Variants in IL1RAP observed in about 807,000 individuals in gnomAD.
IL1RAP encodes the protein interleukin 1 receptor accessory protein, also known as interleukin-1 receptor accessory protein.
IL1RAP carries 35 observed loss-of-function variants against 60.7 expected under a neutral mutation model. That is an observed-to-expected ratio of 0.58 (90% confidence interval 0.44 to 0.76). The LOEUF (loss-of-function observed/expected upper bound fraction) is 0.76. IL1RAP is among the 30% of genes least tolerant of loss of function. The pLI is 0.00. For synonymous variants in IL1RAP, 268 were observed against 250.9 expected (o/e 1.07, Z -0.64); for missense variants, 572 against 693.9 (o/e 0.82, Z 1.97).
intron 2 of IL1RAP, among the ~76,000 whole-genome samples, chr3:190,559,264 AC>A (rs1725684168): frequency 6.6e-6 from 1 of 152,104 alleles, no homozygotes; most frequent in African/African-American, 2.4e-5. Flanking sequence ...TAGTGATAGT[AC>A]CTTTTTTCCT....
intron 3 of IL1RAP, among the ~76,000 whole-genome samples, chr3:190,600,444 G>C (rs1281260322): frequency 6.6e-6 from 1 of 152,100 alleles, no homozygotes; most frequent in Non-Finnish European, 1.5e-5. Flanking sequence ...TCGGTTTTGA[G>C]ATACCTGACT....
intron 5 of IL1RAP, among the ~76,000 whole-genome samples, chr3:190,619,925 G>A (rs1215960619): frequency 1.3e-5 from 2 of 152,046 alleles, no homozygotes; most frequent in African/African-American, 4.8e-5. Flanking sequence ...TTTCTAAATA[G>A]CAGGTCTTGC....
chr3:190,564,454 C>A, intron 3 of IL1RAP, 101 bp downstream of exon 3: 1 of 794,788 alleles, frequency 1.3e-6, no homozygotes, highest in Non-Finnish European at 2.2e-6. Flanking sequence ...TAATGTTATT[C>A]ATGTCCATTG....
At chr3:190,656,848 A>T (rs1020790188) in exon 12 of IL1RAP, 9 of 403,862 alleles carry the variant, frequency 2.2e-5, no homozygotes, top group African/African-American at 1.6e-4. Flanking sequence ...TCAGTATGTG[A>T]AAGTTGCCTA....
chr3:190,541,576 T>C (rs1002262804), intron 1 of IL1RAP, among the ~76,000 whole-genome samples: 7 of 152,164 alleles, frequency 4.6e-5, no homozygotes, highest in African/African-American at 1.7e-4. Flanking sequence ...CGCCTCCAAG[T>C]TGGAATCTGA....
chr3:190,584,748 G>A (rs1201994927), intron 3 of IL1RAP, among the ~76,000 whole-genome samples: 1 of 152,096 alleles, frequency 6.6e-6, no homozygotes, highest in Non-Finnish European at 1.5e-5. Context: ...CTGAAAATGA[G>A]TTCTTCATTG....
downstream of IL1RAP, among the ~76,000 whole-genome samples, chr3:190,655,657 G>A (rs540692332): frequency 6.6e-6 from 1 of 151,620 alleles, no homozygotes; most frequent in South Asian, 2.1e-4. Context: ...GGGTTTTGCA[G>A]TAGGAGAGAG....
chr3:190,650,248 G>T lies in IL1RAP; in HGVS notation c.*1543G>T, dbSNP rs952712984. ...ATTCACAGCTCACAGAGTGATAGTT[G>T]TCATAGTTCTTGCCTTCCCTAAGTT... On this transcript the variant is annotated 3_prime_UTR_variant, in exon 12 of 12. Coordinates refer to ENST00000447382, the MANE Select transcript of IL1RAP (RefSeq NM_002182.4). 11 of 985,028 alleles carry T rather than the reference G, an allele frequency of 1.1e-5. No individual in the cohort carries two copies. Among genetic ancestry groups the T allele is most frequent in the Non-Finnish European group, 1.2e-5 (10 of 829,704 alleles). The allele number at this position is 985,028 out of a possible 1,614,324, so 61.0% of individuals were successfully genotyped here. A position where few individuals can be genotyped will look rare whatever the true frequency, so the allele number is the denominator to read the frequency against.
intron 5 of IL1RAP, among the ~76,000 whole-genome samples, chr3:190,612,093 A>G (rs909679171): frequency 2.6e-5 from 4 of 152,220 alleles, no homozygotes; most frequent in African/African-American, 9.6e-5. Flanking sequence ...TGTTTAAAAT[A>G]AAATTATATG....
At chr3:190,575,760 T>A (rs1420662671) in intron 3 of IL1RAP, among the ~76,000 whole-genome samples, 1 of 152,248 alleles carries the variant, frequency 6.6e-6, no homozygotes, top group Non-Finnish European at 1.5e-5. Flanking sequence ...TATTAAATGA[T>A]CTTGTGAGCT....
At chr3:190,545,017 G>T (rs749697266) in intron 1 of IL1RAP, among the ~76,000 whole-genome samples, 5 of 152,154 alleles carry the variant, frequency 3.3e-5, no homozygotes, top group Non-Finnish European at 5.9e-5. Context: ...CTCGAATTAA[G>T]TAGGTACATT....
chr3:190,635,962 A>T (rs1418992949), intron 9 of IL1RAP, among the ~76,000 whole-genome samples: 2 of 152,162 alleles, frequency 1.3e-5, no homozygotes, highest in Non-Finnish European at 2.9e-5. Context: ...TTCAATTTCC[A>T]GGGTATCTGT....
intron 3 of IL1RAP, among the ~76,000 whole-genome samples, chr3:190,568,227 G>T (rs1262483263): frequency 1.3e-5 from 2 of 152,200 alleles, no homozygotes; most frequent in African/African-American, 4.8e-5. Context: ...CACATTATCA[G>T]GAACTTCGCA....
chr3:190,651,950 G>A (rs1198058484), downstream of IL1RAP, among the ~76,000 whole-genome samples: 1 of 152,092 alleles, frequency 6.6e-6, no homozygotes, highest in Non-Finnish European at 1.5e-5. Context: ...TCGTTTACAG[G>A]AATATTTTTC....
intron 1 of IL1RAP, among the ~76,000 whole-genome samples, chr3:190,528,742 A>G (rs1397031379): frequency 2.6e-5 from 4 of 152,252 alleles, no homozygotes; most frequent in African/African-American, 4.8e-5. Context: ...AGGTAATAAA[A>G]CATTTTTGTA....
chr3:190,565,261 C>A (rs1314079988), intron 3 of IL1RAP, among the ~76,000 whole-genome samples: 3 of 152,058 alleles, frequency 2.0e-5, no homozygotes, highest in Non-Finnish European at 4.4e-5. Flanking sequence ...TAGAGGTCCT[C>A]ATTTTATAAA....
chr3:190,636,621 C>A (rs4543060), intron 9 of IL1RAP, among the ~76,000 whole-genome samples: 136,709 of 151,918 alleles, frequency 0.9, 61,704 homozygotes, highest in East Asian at 1. Flanking sequence ...AGCTCACTGC[C>A]AGCTTTCTTA....
chr3:190,553,117 G>A (rs1725011738), intron 1 of IL1RAP, among the ~76,000 whole-genome samples: 1 of 152,222 alleles, frequency 6.6e-6, no homozygotes, highest in African/African-American at 2.4e-5. Context: ...ATTGAATCCC[G>A]GCCATAGGTA....
At chr3:190,630,278 C>T (rs1732674109) in intron 9 of IL1RAP, 2 of 838,672 alleles carry the variant, frequency 2.4e-6, no homozygotes, top group Non-Finnish European at 1.4e-6. Context: ...AGAAGTGCTG[C>T]TCCTAAATCA....
Sources: allele counts gnomAD v4.1 joint callset (sites outside exome capture counted in the v4.1 genomes callset), GRCh38; gene constraint gnomAD v4.1.1; transcripts MANE v1.5; gene names NCBI Gene and HGNC (gene_info 2026-07-23, HGNC 2026-07-21).